SLC35F1: variants seen among roughly 807,000 people sequenced by gnomAD.
The protein encoded by SLC35F1 is chromosome 6 open reading frame 169.
Under a neutral mutation model 48.7 loss-of-function variants are expected in SLC35F1, and 14 were observed. The observed-to-expected ratio is 0.29, with a 90% confidence interval of 0.19 to 0.45. SLC35F1 has a LOEUF of 0.45. Among genes scored for constraint, SLC35F1 ranks in the 20% least tolerant of loss-of-function variants. SLC35F1 has a pLI of 1.00. For missense variants in SLC35F1, 404 were observed against 500.0 expected (o/e 0.81, Z 1.83); for synonymous variants, 190 against 202.2 (o/e 0.94, Z 0.51).
chr6:118,280,828 G>A (rs577608021), intron 6 of SLC35F1, among the ~76,000 whole-genome samples: 14 of 150,852 alleles, frequency 9.3e-5, no homozygotes, highest in African/African-American at 1.9e-4. Context: ...TCGGGATCAC[G>A]CAACTGCACT....
chr6:118,310,283 C>A (rs1180083712), intron 7 of SLC35F1, among the ~76,000 whole-genome samples: 1 of 152,180 alleles, frequency 6.6e-6, no homozygotes, highest in Admixed American at 6.5e-5. Flanking sequence ...CCTCATATAG[C>A]ATTCCAGAGA....
intron 2 of SLC35F1, among the ~76,000 whole-genome samples, chr6:118,225,857 C>G (rs1156638319): frequency 1.7e-5 from 2 of 120,790 alleles, no homozygotes; most frequent in Non-Finnish European, 3.3e-5. Flanking sequence ...GCCTGGCTGA[C>G]AGAGCGAGAC....
At chr6:118,021,128 G>A (rs548073618) in intron 1 of SLC35F1, among the ~76,000 whole-genome samples, 2 of 152,282 alleles carry the variant, frequency 1.3e-5, no homozygotes, top group Non-Finnish European at 2.9e-5. Context: ...GACTGCTGCT[G>A]TAACTCAGTT....
intron 1 of SLC35F1, among the ~76,000 whole-genome samples, chr6:117,972,365 A>T (rs1776652987): frequency 6.6e-6 from 1 of 152,156 alleles, no homozygotes. Flanking sequence ...TGAGCCCTCC[A>T]AGTGGTTACA....
intron 1 of SLC35F1, among the ~76,000 whole-genome samples, chr6:118,033,262 G>T (rs1328237497): frequency 1.3e-5 from 2 of 151,928 alleles, no homozygotes; most frequent in Admixed American, 1.3e-4. Context: ...TATTAATACT[G>T]CCCTTGACTC....
intron 3 of SLC35F1, among the ~76,000 whole-genome samples, chr6:118,256,045 C>A (rs1340839873): frequency 6.6e-6 from 1 of 152,132 alleles, no homozygotes; most frequent in Non-Finnish European, 1.5e-5. Context: ...AAATATACTA[C>A]TCCCTGGAAT....
chr6:118,163,545 A>C (rs1774272172), intron 2 of SLC35F1, among the ~76,000 whole-genome samples: 1 of 152,158 alleles, frequency 6.6e-6, no homozygotes, highest in African/African-American at 2.4e-5. Flanking sequence ...ATATAAGCTC[A>C]AGGGGAGAGG....
At chr6:118,076,258 A>G (rs544943439) in intron 1 of SLC35F1, among the ~76,000 whole-genome samples, 38 of 152,310 alleles carry the variant, frequency 2.5e-4, no homozygotes, top group African/African-American at 8.7e-4. Flanking sequence ...ACATTTAAAT[A>G]CTTAATTTAT....
intron 1 of SLC35F1, among the ~76,000 whole-genome samples, chr6:117,925,826 A>G (rs972277362): frequency 1.3e-5 from 2 of 152,110 alleles, no homozygotes; most frequent in Admixed American, 1.3e-4. Context: ...GTATATCCAT[A>G]CCAGTCTGTG....
At chr6:118,053,312 T>C (rs1371516461) in intron 1 of SLC35F1, among the ~76,000 whole-genome samples, 7 of 152,092 alleles carry the variant, frequency 4.6e-5, no homozygotes, top group African/African-American at 1.7e-4. Flanking sequence ...AAAATGAGGG[T>C]ATGTGATAAT....
chr6:118,019,752 A>G (rs1777370145), intron 1 of SLC35F1, among the ~76,000 whole-genome samples: 2 of 152,266 alleles, frequency 1.3e-5, no homozygotes, highest in African/African-American at 4.8e-5. Context: ...TCTTGCGAAT[A>G]TATTAAGGAG....
intron 1 of SLC35F1, among the ~76,000 whole-genome samples, chr6:118,137,318 CT>C (rs1472952254): frequency 6.6e-6 from 1 of 152,216 alleles, no homozygotes; most frequent in African/African-American, 2.4e-5. Flanking sequence ...TGAATGACTT[CT>C]TAGCTGAACC....
intron 2 of SLC35F1, among the ~76,000 whole-genome samples, chr6:118,217,656 C>A (rs1184646106): frequency 2.0e-5 from 3 of 152,122 alleles, no homozygotes; most frequent in Admixed American, 1.3e-4. Flanking sequence ...ATGGAAAAAA[C>A]AATAATCATT....
chr6:118,278,025 C>T (rs1041113289), intron 6 of SLC35F1, among the ~76,000 whole-genome samples: 5 of 152,180 alleles, frequency 3.3e-5, no homozygotes, highest in African/African-American at 9.7e-5. Flanking sequence ...GCAGTTTGCA[C>T]GAAAGAAATG....
chr6:117,922,402 A>T (rs1366185128), intron 1 of SLC35F1, among the ~76,000 whole-genome samples: 2 of 152,216 alleles, frequency 1.3e-5, no homozygotes, highest in Non-Finnish European at 2.9e-5. Flanking sequence ...ACAAAATTAG[A>T]TTTATATCAT....
chr6:118,208,116 C>T (rs546106964), intron 2 of SLC35F1, among the ~76,000 whole-genome samples: 16 of 117,846 alleles, frequency 1.4e-4, no homozygotes, highest in South Asian at 1.1e-3. Flanking sequence ...CACACGCGCG[C>T]GCGCGATCAC....
At chr6:118,083,204 A>C (rs916208715) in intron 1 of SLC35F1, among the ~76,000 whole-genome samples, 11 of 152,178 alleles carry the variant, frequency 7.2e-5, no homozygotes, top group African/African-American at 2.7e-4. Context: ...ATTGGGAAGG[A>C]TATGTGACTG....
intron 1 of SLC35F1, among the ~76,000 whole-genome samples, chr6:118,071,990 A>G (rs1006784923): frequency 1.3e-5 from 2 of 152,266 alleles, no homozygotes; most frequent in Non-Finnish European, 2.9e-5. Context: ...ATATTTTTCT[A>G]TATTATTGCT....
chr6:118,174,872 A>T lies in SLC35F1; in HGVS notation c.349+20252A>T, dbSNP rs146683265. 4.0e-3 allele frequency among the ~76,000 whole-genome samples: 607 copies of T among 152,228 alleles called. 5 individuals carry two copies. Among genetic ancestry groups the T allele is most frequent in the African/African-American group, 0.014 (585 of 41,568 alleles). On this transcript the variant is annotated intron_variant, in intron 2 of 7. Transcript: ENST00000360388. ...AATAGAGGCAAGAAGTCATTTTTTA[A>T]AACATTTTTGAAGTGCTGAAGAAAA...
Sources: allele counts gnomAD v4.1 joint callset (sites outside exome capture counted in the v4.1 genomes callset), GRCh38; gene constraint gnomAD v4.1.1; transcripts MANE v1.5; gene names NCBI Gene and HGNC (gene_info 2026-07-23, HGNC 2026-07-21).